The following SPAG16 variants were observed in gnomAD, a reference collection of about 807,000 sequenced individuals.
SPAG16 encodes the protein sperm associated antigen 16.
In SPAG16, 86 loss-of-function variants were observed where a neutral mutation model predicts 80.4. The observed-to-expected ratio is 1.07, with a 90% confidence interval of 0.90 to 1.28. The LOEUF is 1.28. Ranked by LOEUF, SPAG16 falls within the 50% of genes most tolerant of loss-of-function variation. The pLI, the probability that SPAG16 is intolerant of heterozygous loss-of-function variation, is 0.00. For synonymous variants in SPAG16, 294 were observed against 265.9 expected (o/e 1.11, Z -1.03); for missense variants, 870 against 765.3 (o/e 1.14, Z -1.61).
intron 10 of SPAG16, among the ~76,000 whole-genome samples, chr2:213,829,531 C>A (rs1392880394): frequency 6.6e-6 from 1 of 152,068 alleles, no homozygotes; most frequent in African/African-American, 2.4e-5. Flanking sequence ...AGTCAAAGTC[C>A]CCTTTACTCT....
intron 9 of SPAG16, among the ~76,000 whole-genome samples, chr2:213,437,857 C>A (rs1205668463): frequency 6.6e-6 from 1 of 152,180 alleles, no homozygotes; most frequent in Non-Finnish European, 1.5e-5. Context: ...TTAGTTAATA[C>A]AGTAAATAGC....
Position 213,334,393 on chromosome 2 carries a change from C to T in SPAG16, c.537-5770C>T, listed in dbSNP as rs139745699. ...AGTACAACCACTGTGAAGAACAGTT[C>T]GCAGTTCCTCAAAAATCTAAAAATA... On this transcript the variant is annotated intron_variant, in intron 5 of 15. Transcript: ENST00000331683. Among the ~76,000 whole-genome samples, 515 of 152,186 alleles carry T rather than the reference C, an allele frequency of 3.4e-3. 5 individuals carry two copies. In the South Asian group the frequency reaches 0.035, roughly 10 times the overall value.
intron 15 of SPAG16, among the ~76,000 whole-genome samples, chr2:214,322,917 C>G (rs1696202233): frequency 6.6e-6 from 1 of 152,168 alleles, no homozygotes; most frequent in Admixed American, 6.5e-5. Flanking sequence ...GTTTCAAACT[C>G]AAACACAGAG....
intron 10 of SPAG16, among the ~76,000 whole-genome samples, chr2:213,492,265 A>G (rs1461085495): frequency 6.6e-6 from 1 of 152,194 alleles, no homozygotes; most frequent in Non-Finnish European, 1.5e-5. Flanking sequence ...TTAATTTTAA[A>G]ACCAGTGGCC....
At chr2:214,169,146 A>G (rs889749532) in intron 15 of SPAG16, among the ~76,000 whole-genome samples, 6 of 152,110 alleles carry the variant, frequency 3.9e-5, no homozygotes, top group Non-Finnish European at 8.8e-5. Flanking sequence ...CACGTAACTC[A>G]TAATTTGATA....
intron 13 of SPAG16, among the ~76,000 whole-genome samples, chr2:214,034,588 G>A (rs1367359637): frequency 6.6e-6 from 1 of 152,224 alleles, no homozygotes; most frequent in Non-Finnish European, 1.5e-5. Context: ...ACTGTGCATA[G>A]CCAGGCACGC....
chr2:213,573,126 C>T (rs1226632574), intron 10 of SPAG16, among the ~76,000 whole-genome samples: 6 of 152,294 alleles, frequency 3.9e-5, no homozygotes, highest in East Asian at 3.9e-4. Flanking sequence ...CACTGGCCTG[C>T]GCCCACTGTC....
At chr2:213,829,875 G>T (rs1340211030) in intron 10 of SPAG16, among the ~76,000 whole-genome samples, 1 of 152,080 alleles carries the variant, frequency 6.6e-6, no homozygotes, top group East Asian at 1.9e-4. Context: ...TGGTATCCAA[G>T]TTGCAAAACA....
At chr2:214,054,757 A>AT (rs1300680875) in intron 13 of SPAG16, among the ~76,000 whole-genome samples, 1 of 152,116 alleles carries the variant, frequency 6.6e-6, no homozygotes, top group Non-Finnish European at 1.5e-5. Context: ...CCAAAGATAT[A>AT]TTTTTTGTTG....
chr2:213,593,746 CTTTTTTTTTTTTTTTT>C (rs541949006), intron 10 of SPAG16, among the ~76,000 whole-genome samples: 25 of 50,168 alleles, frequency 5.0e-4, no homozygotes, highest in South Asian at 8.3e-4. Context: ...CCCACCACAT[CTTTTTTTTTTTTTTTT>C]TTTTTTTTTT....
At chr2:213,841,365 C>A (rs1335067785) in intron 10 of SPAG16, among the ~76,000 whole-genome samples, 1 of 152,168 alleles carries the variant, frequency 6.6e-6, no homozygotes, top group East Asian at 1.9e-4. Context: ...GTTTCATATT[C>A]ATGTTAGACC....
At chr2:214,400,333 A>G (rs1481387327) in intron 15 of SPAG16, among the ~76,000 whole-genome samples, 1 of 152,026 alleles carries the variant, frequency 6.6e-6, no homozygotes, top group Admixed American at 6.6e-5. Flanking sequence ...GGCCCCATGT[A>G]GCTGCAGATT....
chr2:214,186,944 A>G (rs2057498213), intron 15 of SPAG16, among the ~76,000 whole-genome samples: 1 of 152,010 alleles, frequency 6.6e-6, no homozygotes, highest in Admixed American at 6.6e-5. Context: ...ATTTTGTTTT[A>G]GTAGAGACAG....
rs557667260 is a variant in SPAG16, at chr2:214,297,585, C to T, written c.1721-112555C>T. Among the ~76,000 whole-genome samples the T allele has an allele frequency of 2.6e-5, 4 of 152,098 alleles. No individual in the cohort carries two copies. The East Asian group carries it at 5.8e-4, about 22-fold the overall frequency. On this transcript the variant is annotated intron_variant, in intron 15 of 15. Transcript: ENST00000331683. Reference sequence around the variant, plus strand: ...TTTATTGGATGATATTGTTTATTATCATTGTTTCTTTCTTTCCCCATTGTT... The same window carrying T: ...TTTATTGGATGATATTGTTTATTATTATTGTTTCTTTCTTTCCCCATTGTT...
At chr2:213,676,844 C>CT (rs1363493846) in intron 10 of SPAG16, among the ~76,000 whole-genome samples, 1 of 150,592 alleles carries the variant, frequency 6.6e-6, no homozygotes, top group African/African-American at 2.5e-5. Flanking sequence ...CTAAAATTCT[C>CT]TTTTTTGGTT....
intron 12 of SPAG16, 38 bp downstream of exon 12, chr2:213,930,183 G>A (rs769060848): frequency 8.6e-6 from 13 of 1,510,010 alleles, no homozygotes; most frequent in Non-Finnish European, 1.2e-5. Flanking sequence ...CCTCTGTGCT[G>A]ATACATATAC....
At chr2:214,328,208 T>G (rs550332521) in intron 15 of SPAG16, among the ~76,000 whole-genome samples, 100 of 151,944 alleles carry the variant, frequency 6.6e-4, no homozygotes, top group African/African-American at 2.2e-3. Flanking sequence ...TAGGCTGGAA[T>G]GCAGTGGTGC....
At chr2:214,201,125 G>A (rs574213567) in intron 15 of SPAG16, among the ~76,000 whole-genome samples, 1 of 152,214 alleles carries the variant, frequency 6.6e-6, no homozygotes, top group Non-Finnish European at 1.5e-5. Context: ...AACTGTAAAT[G>A]TCTCTTTTTC....
intron 10 of SPAG16, among the ~76,000 whole-genome samples, chr2:213,606,891 A>G (rs918839): frequency 0.27 from 40,659 of 152,168 alleles, 6,358 homozygotes; most frequent in Middle Eastern, 0.42. Flanking sequence ...CGAATAATCT[A>G]CAGAATATTA....
Sources: gnomAD v4.1 joint callset for allele counts (sites outside exome capture counted in the v4.1 genomes callset) on GRCh38, gnomAD v4.1.1 for gene constraint, MANE v1.5 for transcripts, NCBI Gene and HGNC (gene_info 2026-07-23, HGNC 2026-07-21) for gene names.